TXNRD1: variants seen among roughly 807,000 people sequenced by gnomAD.
TXNRD1 encodes thioredoxin reductase 1, cytoplasmic.
In TXNRD1, 57 loss-of-function variants were observed where a neutral mutation model predicts 80.3. The ratio of observed to expected loss-of-function variants is 0.71; its 90% CI spans 0.57 to 0.89. The LOEUF is 0.89. Ranked by LOEUF, TXNRD1 falls within the 40% of genes least tolerant of loss-of-function variation. The pLI is 0.00. For missense variants in TXNRD1, 730 were observed against 803.0 expected (o/e 0.91, Z 1.10); for synonymous variants, 291 against 285.2 (o/e 1.02, Z -0.20).
At chr12:104,335,579 A>G (rs1157094671) in intron 15 of TXNRD1, among the ~76,000 whole-genome samples, 2 of 152,166 alleles carry the variant, frequency 1.3e-5, no homozygotes, top group African/African-American at 2.4e-5. Flanking sequence ...TTCCATATAT[A>G]TGAAATGAGG....
At chr12:104,267,622 G>A (rs768524440) in intron 3 of TXNRD1, among the ~76,000 whole-genome samples, 1 of 143,832 alleles carries the variant, frequency 7.0e-6, no homozygotes. Flanking sequence ...TTGATATCAT[G>A]ATAGGTGTTC....
intron 3 of TXNRD1, among the ~76,000 whole-genome samples, chr12:104,288,183 G>A (rs1356334643): frequency 6.6e-6 from 1 of 152,126 alleles, no homozygotes; most frequent in Non-Finnish European, 1.5e-5. Flanking sequence ...TAGAGACAGG[G>A]TTTCACCATC....
intron 4 of TXNRD1, chr12:104,309,675 A>C: frequency 1.0e-6 from 1 of 978,962 alleles, no homozygotes; most frequent in Non-Finnish European, 1.5e-6. Context: ...TTTGAGACCC[A>C]GTAGGGAGTC....
intron 1 of TXNRD1, chr12:104,224,748 A>G: frequency 2.3e-6 from 1 of 442,064 alleles, no homozygotes; most frequent in South Asian, 1.6e-5. Context: ...ATGCTCGGTA[A>G]ATGTTCAAAT....
At chr12:104,265,295 G>A (rs1406817400) in intron 3 of TXNRD1, 89 of 1,585,660 alleles carry the variant, frequency 5.6e-5, no homozygotes, top group East Asian at 2.2e-4. Context: ...GGCGGCGAAC[G>A]CGGAGAGCAC....
intron 1 of TXNRD1, among the ~76,000 whole-genome samples, chr12:104,246,733 G>C (rs190411232): frequency 1.6e-4 from 24 of 151,878 alleles, no homozygotes; most frequent in Middle Eastern, 3.4e-3. Flanking sequence ...ATGTTGACCA[G>C]GATGGTCTCG....
intron 7 of TXNRD1, among the ~76,000 whole-genome samples, chr12:104,316,301 G>T (rs952051967): frequency 5.3e-5 from 8 of 151,352 alleles, no homozygotes; most frequent in African/African-American, 1.9e-4. Context: ...GTTCAGGAGG[G>T]GGTGGTTAGG....
In TXNRD1 at chr12:104,215,806, G is replaced by A; in HGVS notation, c.4G>A (p.Gly2Ser). The change falls in exon 1 of 17, where the codon GGC becomes AGC. Residue 2 changes from glycine (G) to serine (S), a missense_variant. By Grantham distance (56) the Gly-to-Ser change is moderately conservative. Transcript: ENST00000525566. M[G>S]CAEGKAVAAA... ...TTCCCACAGGGCCTTGTGCGACATG[G>A]GCTGCGCCGAGGGCAAGGCAGTGGC... 3 of 1,559,396 alleles carry A rather than the reference G, an allele frequency of 1.9e-6. No individual in the cohort carries two copies. The highest frequency in any genetic ancestry group is 2.6e-6 in the Non-Finnish European group (3 of 1,152,122).
intron 3 of TXNRD1, among the ~76,000 whole-genome samples, chr12:104,258,617 C>T (rs2033302505): frequency 6.6e-6 from 1 of 152,122 alleles, no homozygotes; most frequent in Admixed American, 6.6e-5. Flanking sequence ...CAAGGGCTCA[C>T]AGACAAACAT....
rs140575753 is a variant in TXNRD1 at position 104,245,238 on chromosome 12, G to A, written c.92-6289G>A. On this transcript the variant is annotated intron_variant, in intron 1 of 16. Coordinates refer to ENST00000525566, the MANE Select transcript of TXNRD1 (RefSeq NM_001093771.3). ...TAAGAATACTGAGTTAAGGCTCGGC[G>A]CGGTGGCTCACGCCTGTAATCCCAG... Among the ~76,000 whole-genome samples, 38 of 151,702 alleles carry A rather than the reference G, an allele frequency of 2.5e-4. 1 individual carries two copies. In the East Asian group the frequency reaches 6.0e-3, roughly 24 times the overall value.
At chr12:104,310,148 G>C (rs941684006) in intron 4 of TXNRD1, 2 of 1,440,376 alleles carry the variant, frequency 1.4e-6, no homozygotes, top group Non-Finnish European at 1.8e-6. Context: ...CTTTTTGTTT[G>C]TTTGTTTTTT....
chr12:104,235,885 C>A (rs1443742677), intron 1 of TXNRD1, among the ~76,000 whole-genome samples: 3 of 152,176 alleles, frequency 2.0e-5, no homozygotes, highest in Non-Finnish European at 4.4e-5. Context: ...ACAATGGTGG[C>A]TGTCTTCTTG....
chr12:104,291,480 C>CTTTTT (rs1161549363), intron 4 of TXNRD1, among the ~76,000 whole-genome samples: 6 of 98,424 alleles, frequency 6.1e-5, no homozygotes, highest in Non-Finnish European at 1.2e-4. Context: ...CCGCACCCAG[C>CTTTTT]TTTTTTTTTT....
chr12:104,233,973 T>C (rs1340743885), intron 1 of TXNRD1, among the ~76,000 whole-genome samples: 4 of 152,256 alleles, frequency 2.6e-5, no homozygotes, highest in African/African-American at 9.6e-5. Flanking sequence ...CTTATTTTGC[T>C]TGATATTTGT....
intron 4 of TXNRD1, among the ~76,000 whole-genome samples, chr12:104,293,435 G>C (rs894160571): frequency 6.6e-6 from 1 of 152,160 alleles, no homozygotes; most frequent in Non-Finnish European, 1.5e-5. Context: ...CAGTCTTGGG[G>C]GGTAGATGCT....
intron 1 of TXNRD1, among the ~76,000 whole-genome samples, chr12:104,240,962 C>G (rs185118468): frequency 6.6e-6 from 1 of 151,386 alleles, no homozygotes; most frequent in African/African-American, 2.4e-5. Context: ...AGGATGGTCT[C>G]GATCTCCTGA....
chr12:104,258,219 T>C, intron 3 of TXNRD1, 140 bp downstream of exon 3: 1 of 639,840 alleles, frequency 1.6e-6, no homozygotes. Flanking sequence ...TTTTGGTCTT[T>C]TAGACAGGGT....
intron 1 of TXNRD1, among the ~76,000 whole-genome samples, chr12:104,238,453 T>C (rs370390729): frequency 4.6e-5 from 7 of 152,316 alleles, no homozygotes; most frequent in African/African-American, 9.6e-5. Flanking sequence ...CTGATCCTTG[T>C]TTTGTTTTTC....
chr12:104,293,651 A>C (rs1319358299), intron 4 of TXNRD1, among the ~76,000 whole-genome samples: 1 of 152,164 alleles, frequency 6.6e-6, no homozygotes, highest in Admixed American at 6.5e-5. Context: ...GGGTTTCACC[A>C]TGTTGTCCAG....
Sources: gnomAD v4.1 joint callset for allele counts (sites outside exome capture counted in the v4.1 genomes callset) on GRCh38, gnomAD v4.1.1 for gene constraint, MANE v1.5 for transcripts, NCBI Gene and HGNC (gene_info 2026-07-23, HGNC 2026-07-21) for gene names.